MRPL19: variants seen among roughly 807,000 people sequenced by gnomAD.
MRPL19 encodes large ribosomal subunit protein bL19m.
Under a neutral mutation model 34.0 loss-of-function variants are expected in MRPL19, and 31 were observed. The observed-to-expected ratio is 0.91, with a 90% CI of 0.68 to 1.23. The LOEUF is 1.23. Ranked by LOEUF, MRPL19 falls within the 50% of genes most tolerant of loss-of-function variation. The pLI is 0.00. For synonymous variants in MRPL19, 152 were observed against 127.7 expected (o/e 1.19, Z -1.28); for missense variants, 384 against 367.6 (o/e 1.04, Z -0.37).
intron 4 of MRPL19, among the ~76,000 whole-genome samples, chr2:75,653,924 A>G (rs983458871): frequency 4.6e-5 from 7 of 152,090 alleles, no homozygotes; most frequent in African/African-American, 1.4e-4. Context: ...ATATATCACA[A>G]TTTTGCCTGT....
chr2:75,658,509 G>A lies in MRPL19; in HGVS notation c.*3224G>A, dbSNP rs1464150254. Among the ~76,000 whole-genome samples the A allele has an allele frequency of 6.6e-6, 1 of 151,896 alleles. No individual in the cohort carries two copies. Among genetic ancestry groups the A allele is most frequent in the Non-Finnish European group, 1.5e-5 (1 of 67,964 alleles). On this transcript the variant is annotated 3_prime_UTR_variant, in exon 6 of 6. Coordinates refer to ENST00000393909, the MANE Select transcript of MRPL19 (RefSeq NM_014763.4). The stretch of plus-strand genomic sequence containing the variant: ...GATTGCCTGTTTCTAAGTTCTTTTG[G>A]GTATACATCTTGAGTAGAATTGCTA...
intron 2 of MRPL19, among the ~76,000 whole-genome samples, chr2:75,650,179 AT>A (rs148033532): frequency 0.02 from 3,040 of 152,232 alleles, 38 homozygotes; most frequent in African/African-American, 0.037. Flanking sequence ...TTGATAATTT[AT>A]TTCTTGAGGT....
chr2:75,647,115 G>A lies in MRPL19; in HGVS notation c.117G>A (p.Gly39=). The A allele has an allele frequency of 6.3e-7, 1 of 1,586,616 alleles. No individual in the cohort carries two copies. The change falls in exon 2 of 6, where the codon GGG becomes GGA. Residue 39 remains glycine (G), a synonymous_variant. Coordinates refer to ENST00000393909, the MANE Select transcript of MRPL19 (RefSeq NM_014763.4). ...PASIACRVHA[G]PVRQQSTGPS... ...CCGCTCCCGCAGGGGTCCACGCGGG[G>A]CCTGTCCGGCAGCAGAGCACTGGGC...
At chr2:75,649,385 T>C (rs34342984) in intron 2 of MRPL19, among the ~76,000 whole-genome samples, 45,325 of 151,986 alleles carry the variant, frequency 0.3, 6,907 homozygotes, top group East Asian at 0.44. Context: ...ATCTGTAAAC[T>C]TTCTTAAAAC....
chr2:75,649,850 C>T (rs1430076498), intron 2 of MRPL19, among the ~76,000 whole-genome samples: 1 of 152,060 alleles, frequency 6.6e-6, no homozygotes, highest in African/African-American at 2.4e-5. Context: ...CTAGGCTGGT[C>T]TGGAACTCCT....
Position 75,654,818 on chromosome 2 carries a change from C to T in MRPL19, c.558C>T (p.Ser186=), listed in dbSNP as rs11552949. Residue 186 remains serine, a synonymous_variant, in exon 5 of 6, where the codon AGC becomes AGT. Coordinates refer to ENST00000393909, the MANE Select transcript of MRPL19 (RefSeq NM_014763.4). ...VVKLEKRLDD[S]LLYLRDALPE... is the part of the protein sequence containing the mutation. ...AATTAGAGAAACGGCTGGATGATAGCTTGCTATACTTACGAGATGCCCTTC... is the reference window on the plus strand; with the variant it reads ...AATTAGAGAAACGGCTGGATGATAGTTTGCTATACTTACGAGATGCCCTTC... 6.2e-7 allele frequency: 1 copy of T among 1,613,792 alleles called. No individual in the cohort carries two copies. The highest frequency in any genetic ancestry group is 8.5e-7 in the Non-Finnish European group (1 of 1,179,824).
chr2:75,655,053 ATC>A lies in MRPL19; in HGVS notation c.658-9_658-8del. 6 of 1,301,956 alleles carry A rather than the reference ATC, an allele frequency of 4.6e-6. No individual in the cohort carries two copies. The highest frequency in any genetic ancestry group is 1.9e-5 in the African/African-American group (1 of 51,504). 80.7% of individuals were successfully genotyped at this position (1,301,956 alleles called of 1,614,324 possible). On this transcript the variant is annotated splice_polypyrimidine_tract_variant and intron_variant, in intron 5 of 5. Coordinates refer to ENST00000393909, the MANE Select transcript of MRPL19 (RefSeq NM_014763.4). ...TGCTTTTTTTTTTTTTTTTTTTTTA[ATC>A]TTCCTTAGCTGAAAGTAAAAATGAA...
rs371697742 is a variant in MRPL19, at chr2:75,646,831, G to T, written c.24G>T (p.Gly8=). 57 of 1,580,956 alleles carry T rather than the reference G, an allele frequency of 3.6e-5. No homozygotes were observed. Among genetic ancestry groups the T allele is most frequent in the Non-Finnish European group, 4.1e-5 (48 of 1,163,428 alleles). MAACIAA[G]HWAAMGLGRS... ...GCATGGCGGCCTGCATTGCAGCGGG[G>T]CACTGGGCTGCAATGGGCCTAGGCC... Residue 8 remains glycine (G), a synonymous_variant, in exon 1 of 6, where the codon GGG becomes GGT. Coordinates refer to ENST00000393909, the MANE Select transcript of MRPL19 (RefSeq NM_014763.4).
Position 75,646,886 on chromosome 2 carries a change from C to A in MRPL19, c.79C>A (p.Pro27Thr). 1 of 1,593,928 alleles carries A rather than the reference C, an allele frequency of 6.3e-7. No homozygotes were observed. Among genetic ancestry groups the A allele is most frequent in the African/African-American group, 1.3e-5 (1 of 74,800 alleles). ...TTTCCAAGCCGCCAGGACTCTGCTC[C>A]CCCCGCCGGCCTCTATCGCCTGCAG... is the stretch of plus-strand genomic sequence containing the variant. Reference protein sequence around the residue: ...RSFQAARTLLPPPASIACRVH... With the variant: ...RSFQAARTLLTPPASIACRVH... Residue 27 changes from proline (P) to threonine (T), a missense_variant, in exon 1 of 6, where the codon CCC (proline) becomes ACC (threonine). By Grantham distance (38) the Pro-to-Thr change is conservative. Transcript: ENST00000393909.
Position 75,657,197 on chromosome 2 carries a change from GTCT to G in MRPL19, c.*1917_*1919del, listed in dbSNP as rs561672095. On this transcript the variant is annotated 3_prime_UTR_variant, in exon 6 of 6. Transcript: ENST00000393909. ...CCAGGATATCTGATAATCTTTGGCT[GTCT>G]TCTTATGGTTGAAAGAGGGACTAAA... 2.0e-4 allele frequency: 30 copies of G among 151,874 alleles called. No individual in the cohort carries two copies. Among genetic ancestry groups the G allele is most frequent in the Non-Finnish European group, 1.8e-4 (12 of 67,938 alleles). The allele number at this position is 151,874 out of a possible 1,614,324, so 9.4% of individuals were successfully genotyped here.
Position 75,655,179 on chromosome 2 carries a change from A to C in MRPL19, c.773A>C (p.Gln258Pro). 6.2e-7 allele frequency: 1 copy of C among 1,613,462 alleles called. No homozygotes were observed. Among genetic ancestry groups the C allele is most frequent in the Non-Finnish European group, 8.5e-7 (1 of 1,179,582 alleles). The part of the protein sequence containing the change: ...CLTEQQMKEA[Q>P]KWNQPWLEFD... ...ACTGAACAGCAAATGAAAGAAGCTC[A>C]GAAGTGGAATCAGCCATGGCTTGAA... The change falls in exon 6 of 6, where the codon CAG (glutamine) becomes CCG (proline). Residue 258 changes from glutamine (Q) to proline (P), a missense_variant. By Grantham distance (76) the Gln-to-Pro change is moderately conservative. Transcript: ENST00000393909.
intron 2 of MRPL19, chr2:75,651,371 C>T: frequency 5.6e-6 from 3 of 533,956 alleles, no homozygotes; most frequent in Non-Finnish European, 1.2e-5. Flanking sequence ...GTGAATGACA[C>T]CGCATATGTA....
chr2:75,649,785 A>G lies in MRPL19; in HGVS notation c.222-2357A>G, dbSNP rs577608941. On this transcript the variant is annotated intron_variant, in intron 2 of 5. Coordinates refer to ENST00000393909, the MANE Select transcript of MRPL19 (RefSeq NM_014763.4). ...GCTGGGACTACAGGTGCCCGCCACC[A>G]TGCCTGGCTATTTTAAAAATTTTTT... 7.2e-5 allele frequency among the ~76,000 whole-genome samples: 11 copies of G among 152,098 alleles called. 1 individual carries two copies. The highest frequency in any genetic ancestry group is 2.4e-4 in the African/African-American group (10 of 41,490).
At chr2:75,652,786 C>T in intron 4 of MRPL19, 129 bp downstream of exon 4, 1 of 1,003,186 alleles carries the variant, frequency 1.0e-6, no homozygotes, top group Non-Finnish European at 1.5e-6. Flanking sequence ...GATGTGGAGC[C>T]TGTGGCTTTA....
intron 2 of MRPL19, 83 bp downstream of exon 2, chr2:75,647,302 G>T: frequency 7.5e-7 from 1 of 1,330,594 alleles, no homozygotes. Flanking sequence ...CCGGCTCTAA[G>T]GTGGGGGCTG....
chr2:75,659,561 T>C lies in MRPL19; in HGVS notation c.*4276T>C, dbSNP rs115831056. Among the ~76,000 whole-genome samples the C allele has an allele frequency of 3.5e-3, 536 of 152,310 alleles. 3 individuals carry two copies. The highest frequency in any genetic ancestry group is 0.012 in the African/African-American group (518 of 41,572). ...TGCATTTCTTGCAGGGCAAGTCTAA[T>C]TGTAATAAACTCCCTCAGCTTTTGT... On this transcript the variant is annotated 3_prime_UTR_variant, in exon 6 of 6. Transcript: ENST00000393909.
intron 1 of MRPL19, 57 bp from the exon 2 acceptor site, chr2:75,647,044 CT>C: frequency 6.6e-7 from 1 of 1,509,272 alleles, no homozygotes; most frequent in Non-Finnish European, 8.9e-7. Context: ...GATTGCGGGG[CT>C]CTGCGGGATC....
Position 75,658,027 on chromosome 2 carries a change from G to C in MRPL19, c.*2742G>C. 6.6e-6 allele frequency among the ~76,000 whole-genome samples: 1 copy of C among 151,972 alleles called. No homozygotes were observed. The highest frequency in any genetic ancestry group is 1.9e-4 in the East Asian group (1 of 5,188). The stretch of plus-strand genomic sequence containing the variant: ...CCCAAACTGAAACTCTGTAACTGTT[G>C]AGCAATAACCTCATTCCTGTATCTC... On this transcript the variant is annotated 3_prime_UTR_variant, in exon 6 of 6. Transcript: ENST00000393909.
chr2:75,655,566 C>A lies in MRPL19; in HGVS notation c.*281C>A. ...GAATGGTCTTTAATGAGCATGGAAC[C>A]TGAGCAAAGGGAATAGGTGGGATGA... On this transcript the variant is annotated 3_prime_UTR_variant, in exon 6 of 6. Coordinates refer to ENST00000393909, the MANE Select transcript of MRPL19 (RefSeq NM_014763.4). 1 of 285,350 alleles carries A rather than the reference C, an allele frequency of 3.5e-6. No individual in the cohort carries two copies. Among genetic ancestry groups the A allele is most frequent in the East Asian group, 6.9e-5 (1 of 14,596 alleles). 17.7% of individuals were successfully genotyped at this position (285,350 alleles called of 1,614,324 possible).
Sources: gnomAD v4.1 joint callset for allele counts (sites outside exome capture counted in the v4.1 genomes callset) on GRCh38, gnomAD v4.1.1 for gene constraint, MANE v1.5 for transcripts, NCBI Gene and HGNC (gene_info 2026-07-23, HGNC 2026-07-21) for gene names.